The following DTNB variants were observed in gnomAD, a reference collection of about 807,000 sequenced individuals.
DTNB encodes the protein dystrobrevin beta.
DTNB carries 63 observed loss-of-function variants against 90.7 expected under a neutral mutation model. That is an observed-to-expected ratio of 0.69 (90% CI 0.57 to 0.86). The LOEUF (loss-of-function observed/expected upper bound fraction) is 0.86. Ranked by LOEUF, DTNB falls within the 40% of genes least tolerant of loss-of-function variation. DTNB has a pLI of 0.00. For missense variants in DTNB, 744 were observed against 807.1 expected, an observed-to-expected ratio of 0.92 and a Z score of 0.95; for synonymous variants, 277 against 286.7, an observed-to-expected ratio of 0.97 and a Z score of 0.34.
chr2:25,589,927 T>C (rs1280258991), intron 6 of DTNB, among the ~76,000 whole-genome samples: 1 of 152,136 alleles, frequency 6.6e-6, no homozygotes, highest in Non-Finnish European at 1.5e-5. Flanking sequence ...TGCAGAGCAG[T>C]GAAGCGAGTG....
Position 25,592,574 on chromosome 2 carries a change from C to CA in DTNB, c.603+3511dup, listed in dbSNP as rs573694053. ...CCTTATTTTGGGTTAGTTTCCCAGG[C>CA]AAAAAAAAAAATGTGTTTTAAAAAA... On this transcript the variant is annotated intron_variant, in intron 6 of 20. Transcript: ENST00000406818. 4.6e-3 allele frequency among the ~76,000 whole-genome samples: 620 copies of CA among 135,470 alleles called. 4 individuals are homozygous for CA. Among genetic ancestry groups the CA allele is most frequent in the Middle Eastern group, 7.5e-3 (2 of 268 alleles). 88.9% of individuals were successfully genotyped at this position (135,470 alleles called of 152,430 possible).
At chr2:25,481,712 T>C (rs749098555) in intron 10 of DTNB, 1 of 152,246 alleles carries the variant, frequency 6.6e-6, no homozygotes, top group Non-Finnish European at 1.5e-5. Flanking sequence ...GTTAGCTTCC[T>C]TGTCAGGCTA....
At position 25,639,054 on chromosome 2, in the gene DTNB, T is replaced by C. The variant is rs2077673940; in HGVS notation, c.108A>G (p.Arg36=). Residue 36 remains arginine, a synonymous_variant, in exon 3 of 21, where the codon AGA becomes AGG. Transcript: ENST00000406818. ...GTACAAATCGTAATTTGCAGGCTGT[T>C]CTGTAAGTTGATAGTCGTATGACAT... ...NFDVIRLSTY[R]TACKLRFVQK... is the part of the protein sequence containing the mutation. 1 of 1,594,616 alleles carries C rather than the reference T, an allele frequency of 6.3e-7. No individual in the cohort carries two copies. Among genetic ancestry groups the C allele is most frequent in the Non-Finnish European group, 8.6e-7 (1 of 1,168,210 alleles).
At chr2:25,595,155 C>G (rs752021627) in intron 6 of DTNB, 3 of 152,146 alleles carry the variant, frequency 2.0e-5, no homozygotes, top group Non-Finnish European at 2.9e-5. Flanking sequence ...CAGGAGTTAC[C>G]GGAGAAGTGA....
Position 25,580,817 on chromosome 2 carries a change from T to C in DTNB, c.613A>G (p.Met205Val). 1 of 1,612,362 alleles carries C rather than the reference T, an allele frequency of 6.2e-7. No homozygotes were observed. Among genetic ancestry groups the C allele is most frequent in the Admixed American group, 1.7e-5 (1 of 59,900 alleles). Residue 205 changes from methionine to valine, a missense_variant, in exon 7 of 21, where the codon ATG becomes GTG. Physicochemically the swap from Met to Val is conservative, Grantham distance 21 (BLOSUM62 1). Coordinates refer to ENST00000406818, the MANE Select transcript of DTNB (RefSeq NM_021907.5). ...ATTGTGTCTAAAAACATATTTAGCATTATCTTTCTCTGTAAAGAGAAGAAA... is the reference window on the plus strand; with the variant it reads ...ATTGTGTCTAAAAACATATTTAGCACTATCTTTCTCTGTAAAGAGAAGAAA... ...RTCFPQQRKIMLNMFLDTMMA... is the reference protein window; with the variant it reads ...RTCFPQQRKIVLNMFLDTMMA...
intron 9 of DTNB, among the ~76,000 whole-genome samples, chr2:25,514,251 G>T (rs912697416): frequency 2.0e-5 from 3 of 152,156 alleles, no homozygotes; most frequent in African/African-American, 7.2e-5. Flanking sequence ...ATGTGAGTAT[G>T]AGGATGAGGG....
chr2:25,665,043 T>C (rs1056611394), intron 1 of DTNB, among the ~76,000 whole-genome samples: 5 of 152,128 alleles, frequency 3.3e-5, no homozygotes, highest in Admixed American at 2.0e-4. Context: ...GTTCTATTCA[T>C]AGAAAATAGA....
intron 4 of DTNB, among the ~76,000 whole-genome samples, chr2:25,615,631 G>A (rs1041061178): frequency 6.6e-6 from 1 of 152,106 alleles, no homozygotes; most frequent in Admixed American, 6.6e-5. Context: ...CAGGAACCCG[G>A]GCAGCGATCA....
In DTNB at chr2:25,479,064, G is replaced by A. The variant is rs74413484; in HGVS notation, c.1079+3732C>T. 8.4e-3 allele frequency among the ~76,000 whole-genome samples: 1,282 copies of A among 152,198 alleles called. 3 individuals are homozygous for A. The highest frequency in any genetic ancestry group is 0.015 in the Admixed American group (226 of 15,276). On this transcript the variant is annotated intron_variant, in intron 10 of 20. Transcript: ENST00000406818. ...TTGTGGGTTTTGCCTTTTAAGGTTC[G>A]ATTTTAATACTTGGAACTAAAGGAG...
At chr2:25,431,293 C>G (rs2053772287) in intron 14 of DTNB, among the ~76,000 whole-genome samples, 1 of 151,996 alleles carries the variant, frequency 6.6e-6, no homozygotes, top group Admixed American at 6.5e-5. Context: ...CCTCCGCCTC[C>G]CAGGTTCAAG....
At chr2:25,554,787 C>A (rs1238927394) in intron 8 of DTNB, among the ~76,000 whole-genome samples, 1 of 152,138 alleles carries the variant, frequency 6.6e-6, no homozygotes, top group East Asian at 1.9e-4. Context: ...AGGGTACATG[C>A]ACCATGATGC....
intron 9 of DTNB, among the ~76,000 whole-genome samples, chr2:25,522,383 A>T (rs1278673481): frequency 6.6e-6 from 1 of 152,198 alleles, no homozygotes; most frequent in East Asian, 1.9e-4. Context: ...GCAAAAACAT[A>T]AATGGTGGGG....
intron 2 of DTNB, among the ~76,000 whole-genome samples, chr2:25,647,850 A>C (rs2079857085): frequency 6.6e-6 from 1 of 152,138 alleles, no homozygotes; most frequent in Non-Finnish European, 1.5e-5. Flanking sequence ...AAAAAATCAC[A>C]GGAAAGTTTA....
intron 8 of DTNB, among the ~76,000 whole-genome samples, chr2:25,554,162 G>A (rs2056876432): frequency 6.6e-6 from 1 of 152,142 alleles, no homozygotes; most frequent in Non-Finnish European, 1.5e-5. Flanking sequence ...CAAAGCTTTT[G>A]ACCAAAGTTC....
chr2:25,416,305 G>T (rs1262101308), intron 16 of DTNB, among the ~76,000 whole-genome samples: 1 of 152,198 alleles, frequency 6.6e-6, no homozygotes, highest in Non-Finnish European at 1.5e-5. Flanking sequence ...CTCTATAATG[G>T]ATTTACAGAG....
intron 4 of DTNB, 121 bp downstream of exon 4, chr2:25,628,050 T>C: frequency 9.2e-7 from 1 of 1,089,016 alleles, no homozygotes; most frequent in South Asian, 1.5e-5. Context: ...ATTTCCCTTT[T>C]AATCATGATT....
chr2:25,535,804 C>T (rs1164402543), intron 8 of DTNB, among the ~76,000 whole-genome samples: 2 of 139,088 alleles, frequency 1.4e-5, no homozygotes, highest in African/African-American at 5.6e-5. Flanking sequence ...CCATTCAGGG[C>T]AGCCGGGCAG....
At chr2:25,485,738 T>C (rs1022180706) in intron 9 of DTNB, among the ~76,000 whole-genome samples, 1 of 151,988 alleles carries the variant, frequency 6.6e-6, no homozygotes, top group African/African-American at 2.4e-5. Context: ...CGACTCACCA[T>C]GAAAGCCAAC....
rs762941812 is a variant in DTNB, at chr2:25,451,551, G to A, written c.1254C>T (p.Asn418=). The change falls in exon 12 of 21, where the codon AAC becomes AAT. Residue 418 remains asparagine, a synonymous_variant. Transcript: ENST00000406818. The stretch of plus-strand genomic sequence containing the variant: ...CTGGGATCCTCCATTAACTTACCAC[G>A]TTTCCTGCTTCTGCAGCCAGCCGGG... ...YAARLAAEAG[N]VTRPPTDLSF... 5.6e-6 allele frequency: 9 copies of A among 1,606,302 alleles called. No homozygotes were observed. The highest frequency in any genetic ancestry group is 1.7e-5 in the Admixed American group (1 of 59,058).
Sources: allele counts gnomAD v4.1 joint callset (sites outside exome capture counted in the v4.1 genomes callset), GRCh38; gene constraint gnomAD v4.1.1; transcripts MANE v1.5; gene names NCBI Gene and HGNC (gene_info 2026-07-23, HGNC 2026-07-21).